The following WASHC5 variants were observed in gnomAD, a reference collection of about 807,000 sequenced individuals.
WASHC5 encodes WASH complex subunit strumpellin.
A neutral mutation model predicts 150.4 loss-of-function variants in WASHC5; 101 were observed. That is an observed-to-expected ratio of 0.67 (90% CI 0.57 to 0.79). WASHC5 has a LOEUF of 0.79. Among genes scored for constraint, WASHC5 ranks in the 30% least tolerant of loss-of-function variants. The pLI is 0.00. For missense variants in WASHC5, 1,195 were observed against 1,396.3 expected, an observed-to-expected ratio of 0.86 and a Z score of 2.30; for synonymous variants, 467 against 491.2, an observed-to-expected ratio of 0.95 and a Z score of 0.65.
At chr8:125,033,105 G>A (rs1382651459) in intron 26 of WASHC5, among the ~76,000 whole-genome samples, 1 of 152,110 alleles carries the variant, frequency 6.6e-6, no homozygotes, top group Non-Finnish European at 1.5e-5. Context: ...TGGAGACCCT[G>A]ACCTCTGCCT....
intron 8 of WASHC5, 117 bp downstream of exon 8, chr8:125,074,881 G>T: frequency 5.4e-6 from 4 of 737,404 alleles, no homozygotes; most frequent in South Asian, 4.3e-5. Context: ...ATTAATCATT[G>T]CATTAAATTA....
intron 9 of WASHC5, among the ~76,000 whole-genome samples, chr8:125,072,770 A>G (rs1816936789): frequency 6.6e-6 from 1 of 152,100 alleles, no homozygotes; most frequent in Admixed American, 6.5e-5. Flanking sequence ...TTTTCATGTA[A>G]TATATCTACC....
chr8:125,077,599 T>C (rs573301613), intron 6 of WASHC5, among the ~76,000 whole-genome samples: 185 of 152,222 alleles, frequency 1.2e-3, no homozygotes, highest in Non-Finnish European at 1.8e-3. Context: ...CAGAAGGACG[T>C]GGAATGAGAG....
intron 25 of WASHC5, among the ~76,000 whole-genome samples, chr8:125,038,083 T>A (rs1287406906): frequency 6.6e-6 from 1 of 152,118 alleles, no homozygotes; most frequent in African/African-American, 2.4e-5. Flanking sequence ...AGTGAGATAA[T>A]CCACAATCAG....
chr8:125,043,420 T>C (rs1168041700), intron 23 of WASHC5, among the ~76,000 whole-genome samples: 2 of 152,222 alleles, frequency 1.3e-5, no homozygotes, highest in Non-Finnish European at 1.5e-5. Flanking sequence ...TCCTAACATC[T>C]ATGCAGACAC....
intron 24 of WASHC5, 31 bp from the exon 25 acceptor site, chr8:125,038,990 T>C: frequency 9.3e-6 from 15 of 1,608,110 alleles, no homozygotes; most frequent in Non-Finnish European, 1.3e-5. Context: ...GAGATAAACA[T>C]TAGTGAGTAA....
chr8:125,082,906 A>G, intron 3 of WASHC5: 1 of 472,036 alleles, frequency 2.1e-6, no homozygotes, highest in Non-Finnish European at 3.7e-6. Context: ...TAAGTTTATT[A>G]CAACACCTCA....
chr8:125,059,533 A>G lies in WASHC5; in HGVS notation c.1531T>C (p.Phe511Leu). The G allele has an allele frequency of 6.2e-7, 1 of 1,613,374 alleles. No individual in the cohort carries two copies. The highest frequency in any genetic ancestry group is 8.5e-7 in the Non-Finnish European group (1 of 1,179,602). Residue 511 changes from phenylalanine (F) to leucine (L), a missense_variant, in exon 13 of 29, where the codon TTC (phenylalanine) becomes CTC (leucine). By Grantham distance (22) the Phe-to-Leu change is conservative. Transcript: ENST00000318410. ...TGCAGATTGGATTCCAACTGGTGGA[A>G]TTCTTGAACCTGTGTTACAGAAATA... The part of the protein sequence containing the change: ...LIQALEEVQE[F>L]HQLESNLQVC...
At position 125,076,392 on chromosome 8, in the gene WASHC5, C is replaced by G. The variant is rs1298337653; in HGVS notation, c.820G>C (p.Ala274Pro). Residue 274 changes from alanine (A) to proline (P), a missense_variant, in exon 7 of 29, where the codon GCA becomes CCA. By Grantham distance (27) the Ala-to-Pro change is conservative (BLOSUM62 -1). Coordinates refer to ENST00000318410, the MANE Select transcript of WASHC5 (RefSeq NM_014846.4). Reference protein sequence around the residue: ...FEPSILHTHQAKMREIVDKYF... With the variant: ...FEPSILHTHQPKMREIVDKYF... Reference sequence around the variant, plus strand: ...TTATCCACTATCTCTCTCATTTTTGCTTGATGGGTGTGAAGGATGGAAGGC... The same window carrying G: ...TTATCCACTATCTCTCTCATTTTTGGTTGATGGGTGTGAAGGATGGAAGGC... The G allele has an allele frequency of 2.5e-6, 4 of 1,613,776 alleles. No homozygotes were observed. In the African/African-American group the frequency reaches 5.3e-5, roughly 22 times the overall value.
rs772177975 is a variant in WASHC5, at chr8:125,032,383, G to A, written c.3193C>T (p.Arg1065Ter). ...QYNKNLGMVC[R>*]KPTDPVDWPP... ...CAATCAACCGGGTCGGTCGGTTTTC[G>A]GCAGACCATTCCTGCAAGGGAACAA... Residue 1065 changes from arginine (R) to a stop codon, truncating the protein, a stop_gained, in exon 27 of 29, where the codon CGA becomes TGA. Coordinates refer to ENST00000318410, the MANE Select transcript of WASHC5 (RefSeq NM_014846.4). LOFTEE classifies it high-confidence loss of function. 2.5e-6 allele frequency: 4 copies of A among 1,613,802 alleles called. No individual in the cohort carries two copies. Among genetic ancestry groups the A allele is most frequent in the African/African-American group, 1.3e-5 (1 of 74,862 alleles).
chr8:125,044,790 T>C (rs944116388), intron 20 of WASHC5, 92 bp from the exon 21 acceptor site: 2 of 1,255,462 alleles, frequency 1.6e-6, no homozygotes, highest in Non-Finnish European at 1.2e-6. Context: ...GCACCAAATA[T>C]GAAGAACAGG....
chr8:125,039,082 G>T, intron 24 of WASHC5, 123 bp from the exon 25 acceptor site: 1 of 1,086,908 alleles, frequency 9.2e-7, no homozygotes, highest in Non-Finnish European at 1.4e-6. Flanking sequence ...ATGAGAGCTT[G>T]ATCTCGCTAA....
At chr8:125,030,991 G>A (rs1815517415) in intron 27 of WASHC5, among the ~76,000 whole-genome samples, 1 of 152,196 alleles carries the variant, frequency 6.6e-6, no homozygotes, top group Non-Finnish European at 1.5e-5. Flanking sequence ...ATTTCAAAAG[G>A]TAGGAAAAAG....
At position 125,024,344 on chromosome 8, in the gene WASHC5, A is replaced by C. The variant is rs1262192234; in HGVS notation, c.*273T>G. The stretch of plus-strand genomic sequence containing the variant: ...AACATAAAACTAAATGGATTTATAC[A>C]TAACAGTTACATTCAGCATTTAAGA... On this transcript the variant is annotated 3_prime_UTR_variant, in exon 29 of 29. Transcript: ENST00000318410. 2.0e-6 allele frequency: 1 copy of C among 508,848 alleles called. No individual in the cohort carries two copies. Among genetic ancestry groups the C allele is most frequent in the Non-Finnish European group, 3.6e-6 (1 of 280,330 alleles). 31.5% of individuals were successfully genotyped at this position (508,848 alleles called of 1,614,324 possible).
At chr8:125,040,021 TAAG>T (rs1009013417) in intron 23 of WASHC5, 123 bp from the exon 24 acceptor site, 3 of 714,700 alleles carry the variant, frequency 4.2e-6, no homozygotes, top group Non-Finnish European at 7.5e-6. Context: ...GGAAAAAAAA[TAAG>T]GATTTCCTGA....
At chr8:125,067,502 C>G (rs558642588) in intron 10 of WASHC5, 90 bp downstream of exon 10, 25 of 1,102,956 alleles carry the variant, frequency 2.3e-5, no homozygotes, top group Middle Eastern at 4.7e-4. Flanking sequence ...GAATCAGAGA[C>G]AGAGCAAGCA....
Position 125,047,313 on chromosome 8 carries a change from T to A in WASHC5, c.2398A>T (p.Met800Leu), listed in dbSNP as rs1306078466. Reference protein sequence around the residue: ...LRTKIQDWQSMYQSTHIPIPK... With the variant: ...LRTKIQDWQSLYQSTHIPIPK... ...ATTGGAATATGAGTGGACTGGTACATGCTTTGCCAATCTTGAATCTAGAAA... is the reference window on the plus strand; with the variant it reads ...ATTGGAATATGAGTGGACTGGTACAAGCTTTGCCAATCTTGAATCTAGAAA... The change falls in exon 20 of 29, where the codon ATG becomes TTG. Residue 800 changes from methionine to leucine, a missense_variant. This residue lies in a region of WASHC5 where 997 missense variants were observed against 1,168.1 expected (regional missense o/e 0.85). Transcript: ENST00000318410. The A allele has an allele frequency of 6.2e-7, 1 of 1,613,852 alleles. No individual in the cohort carries two copies. Among genetic ancestry groups the A allele is most frequent in the African/African-American group, 1.3e-5 (1 of 74,948 alleles).
chr8:125,062,650 G>C (rs1018267299), intron 11 of WASHC5, among the ~76,000 whole-genome samples: 1 of 151,956 alleles, frequency 6.6e-6, no homozygotes. Context: ...ATATATTTTT[G>C]ACCAACCACT....
intron 20 of WASHC5, among the ~76,000 whole-genome samples, chr8:125,046,096 T>C (rs1018128372): frequency 1.3e-5 from 2 of 152,130 alleles, no homozygotes; most frequent in African/African-American, 2.4e-5. Flanking sequence ...GCACAAAGGA[T>C]CCAGGTCCTA....
Sources: allele counts gnomAD v4.1 joint callset (sites outside exome capture counted in the v4.1 genomes callset), GRCh38; gene constraint gnomAD v4.1.1; regional missense constraint gnomAD v4.1.1; transcripts MANE v1.5; gene names NCBI Gene and HGNC (gene_info 2026-07-23, HGNC 2026-07-21).